Variants in MCTP1 observed in about 807,000 individuals in gnomAD.
MCTP1 encodes the protein multiple C2 and transmembrane domain containing 1, also known as multiple C2 and transmembrane domain-containing protein 1.
MCTP1 carries 69 observed loss-of-function variants against 120.6 expected under a neutral mutation model. The ratio of observed to expected loss-of-function variants is 0.57; its 90% CI spans 0.47 to 0.70. The LOEUF is 0.70. MCTP1 is among the 30% of genes least tolerant of loss of function. The pLI is 0.00. For missense variants in MCTP1, 1,203 were observed against 1,248.8 expected (o/e 0.96, Z 0.55); for synonymous variants, 529 against 493.1 (o/e 1.07, Z -0.96).
At chr5:94,766,178 T>A (rs538527643) in intron 19 of MCTP1, among the ~76,000 whole-genome samples, 9 of 151,848 alleles carry the variant, frequency 5.9e-5, no homozygotes. Context: ...ACTCGGGAGG[T>A]GGAGGTTGCA....
chr5:95,153,482 G>A (rs942825273), intron 1 of MCTP1, among the ~76,000 whole-genome samples: 1 of 152,190 alleles, frequency 6.6e-6, no homozygotes, highest in Non-Finnish European at 1.5e-5. Flanking sequence ...GGCCCAGCAG[G>A]CCAAACACAC....
chr5:94,929,625 T>C (rs896963655), intron 6 of MCTP1: 2 of 971,156 alleles, frequency 2.1e-6, no homozygotes, highest in African/African-American at 3.5e-5. Context: ...TATAGTCCCT[T>C]ACCCCTTAGT....
chr5:95,196,746 C>T (rs919539721), intron 1 of MCTP1, among the ~76,000 whole-genome samples: 20 of 152,226 alleles, frequency 1.3e-4, no homozygotes, highest in African/African-American at 4.8e-4. Flanking sequence ...GAGTGTCCAT[C>T]CTGAAGGAGT....
intron 1 of MCTP1, among the ~76,000 whole-genome samples, chr5:95,085,631 C>T (rs1755373862): frequency 1.3e-5 from 2 of 151,886 alleles, no homozygotes; most frequent in African/African-American, 4.8e-5. Context: ...TGGGGTCATA[C>T]GATATGCACA....
chr5:95,060,184 G>A lies in MCTP1; in HGVS notation c.721-42700C>T, dbSNP rs934249009. On this transcript the variant is annotated intron_variant, in intron 1 of 22. Coordinates refer to ENST00000515393, the MANE Select transcript of MCTP1 (RefSeq NM_024717.7). The stretch of plus-strand genomic sequence containing the variant: ...CCATGAGCACACTCTTCTCATCTCT[G>A]AGATGAGATCTCTGCCTCTTTGGGA... 8.9e-4 allele frequency among the ~76,000 whole-genome samples: 7 copies of A among 7,862 alleles called. No homozygotes were observed. The Non-Finnish European group carries it at 0.021, about 24-fold the overall frequency. The allele number at this position is 7,862 out of a possible 152,430, so 5.2% of individuals were successfully genotyped here. A position where few individuals can be genotyped will look rare whatever the true frequency, so the allele number is the denominator to read the frequency against.
intron 19 of MCTP1, among the ~76,000 whole-genome samples, chr5:94,737,370 A>G (rs1441214394): frequency 6.6e-6 from 1 of 152,202 alleles, no homozygotes; most frequent in African/African-American, 2.4e-5. Context: ...TCTAACCCAG[A>G]GCAGTAAGCT....
At chr5:95,228,754 A>T (rs1754585770) in intron 1 of MCTP1, among the ~76,000 whole-genome samples, 1 of 152,120 alleles carries the variant, frequency 6.6e-6, no homozygotes, top group Non-Finnish European at 1.5e-5. Flanking sequence ...GATAGTGAAC[A>T]AGTCCTTGTG....
intron 1 of MCTP1, among the ~76,000 whole-genome samples, chr5:95,186,552 G>A (rs1749231715): frequency 6.6e-6 from 1 of 152,144 alleles, no homozygotes; most frequent in African/African-American, 2.4e-5. Flanking sequence ...CCTTGTTCAT[G>A]GATTGGAAAA....
intron 19 of MCTP1, among the ~76,000 whole-genome samples, chr5:94,766,932 A>G (rs1772901940): frequency 1.3e-5 from 2 of 152,136 alleles, no homozygotes; most frequent in African/African-American, 4.8e-5. Flanking sequence ...GCATTCTATG[A>G]GGCCACCATT....
At chr5:94,942,692 T>C (rs1581476903) in intron 3 of MCTP1, among the ~76,000 whole-genome samples, 2 of 152,056 alleles carry the variant, frequency 1.3e-5, no homozygotes, top group South Asian at 2.1e-4. Flanking sequence ...AAATAAAATA[T>C]AGTAAATCTT....
intron 10 of MCTP1, among the ~76,000 whole-genome samples, chr5:94,901,014 T>C (rs1805385710): frequency 6.6e-6 from 1 of 152,216 alleles, no homozygotes. Context: ...AATTAATGAA[T>C]CAACAGAATA....
intron 1 of MCTP1, among the ~76,000 whole-genome samples, chr5:95,218,396 T>C (rs1753279626): frequency 6.6e-6 from 1 of 152,232 alleles, no homozygotes; most frequent in African/African-American, 2.4e-5. Flanking sequence ...TCTTTGTTTC[T>C]TTAATCTAGT....
chr5:94,977,469 A>G (rs7713440), intron 2 of MCTP1, among the ~76,000 whole-genome samples: 126,064 of 151,918 alleles, frequency 0.83, 52,859 homozygotes, highest in African/African-American at 0.93. Flanking sequence ...AGAAAAAAAA[A>G]ACCCTAAAAT....
intron 1 of MCTP1, among the ~76,000 whole-genome samples, chr5:95,053,627 G>A (rs1277020316): frequency 6.6e-6 from 1 of 152,140 alleles, no homozygotes; most frequent in Non-Finnish European, 1.5e-5. Context: ...ATGAGGAAAG[G>A]AGAAACCGAA....
intron 2 of MCTP1, among the ~76,000 whole-genome samples, chr5:94,962,430 GAT>G (rs751024237): frequency 6.7e-6 from 1 of 149,172 alleles, no homozygotes; most frequent in Admixed American, 6.7e-5. Flanking sequence ...TAAAGAAATT[GAT>G]ATATATATAT....
intron 1 of MCTP1, among the ~76,000 whole-genome samples, chr5:95,093,296 C>T (rs554419898): frequency 6.6e-6 from 1 of 152,286 alleles, no homozygotes; most frequent in South Asian, 2.1e-4. Context: ...GGATTACACC[C>T]TAATGAAGAA....
intron 1 of MCTP1, among the ~76,000 whole-genome samples, chr5:95,019,753 T>C (rs1286531469): frequency 1.3e-5 from 2 of 152,072 alleles, no homozygotes; most frequent in East Asian, 3.8e-4. Context: ...TTATCTTCCT[T>C]CAGCACATAT....
chr5:94,752,925 T>C (rs1047066202), intron 19 of MCTP1, among the ~76,000 whole-genome samples: 1 of 152,206 alleles, frequency 6.6e-6, no homozygotes, highest in African/African-American at 2.4e-5. Context: ...AGGAAAATTG[T>C]TTGGGATTTA....
In MCTP1 at chr5:94,806,806, T is replaced by C. The variant is rs1782418195; in HGVS notation, c.2437-7674A>G. 2.0e-5 allele frequency among the ~76,000 whole-genome samples: 3 copies of C among 152,222 alleles called. No homozygotes were observed. In the South Asian group the frequency reaches 6.2e-4, roughly 32 times the overall value. On this transcript the variant is annotated intron_variant, in intron 17 of 22. Coordinates refer to ENST00000515393, the MANE Select transcript of MCTP1 (RefSeq NM_024717.7). ...GATCATTAGCTCTCCAGTGATGAGA[T>C]GTGTTTGATGAGTATTTTTCTTTCT...
Sources: gnomAD v4.1 joint callset for allele counts (sites outside exome capture counted in the v4.1 genomes callset) on GRCh38, gnomAD v4.1.1 for gene constraint, MANE v1.5 for transcripts, NCBI Gene and HGNC (gene_info 2026-07-23, HGNC 2026-07-21) for gene names.